NAV2: variants seen among roughly 807,000 people sequenced by gnomAD.
NAV2 encodes neuron navigator 2.
In NAV2, 54 loss-of-function variants were observed where a neutral mutation model predicts 223.2. The ratio of observed to expected loss-of-function variants is 0.24; its 90% CI spans 0.19 to 0.30. NAV2 has a LOEUF of 0.30. Ranked by LOEUF, NAV2 falls within the 10% of genes least tolerant of loss-of-function variation. NAV2 has a pLI of 1.00. For synonymous variants in NAV2, 1,279 were observed against 1,239.3 expected (o/e 1.03, Z -0.67); for missense variants, 2,806 against 3,147.5 (o/e 0.89, Z 2.60).
At chr11:19,671,663 G>C (rs947009583) in intron 1 of NAV2, among the ~76,000 whole-genome samples, 2 of 152,206 alleles carry the variant, frequency 1.3e-5, no homozygotes, top group South Asian at 4.1e-4. Context: ...TTTCCATAAA[G>C]GGCAAGATCA....
intron 1 of NAV2, among the ~76,000 whole-genome samples, chr11:19,700,121 T>C (rs1205470324): frequency 2.0e-5 from 3 of 152,180 alleles, no homozygotes; most frequent in Non-Finnish European, 4.4e-5. Context: ...CTTAATGTGT[T>C]CCAGGAAATA....
chr11:19,785,839 A>C (rs761153940), intron 1 of NAV2, among the ~76,000 whole-genome samples: 12 of 152,114 alleles, frequency 7.9e-5, no homozygotes, highest in Non-Finnish European at 1.5e-4. Context: ...CTCTATTTGA[A>C]TAAATAGATT....
intron 1 of NAV2, among the ~76,000 whole-genome samples, chr11:19,571,428 C>T (rs950417712): frequency 3.3e-5 from 5 of 152,176 alleles, no homozygotes; most frequent in African/African-American, 9.7e-5. Context: ...GAAAACTTTT[C>T]GGCTAGGCAC....
intron 20 of NAV2, among the ~76,000 whole-genome samples, chr11:20,063,608 C>T (rs1188811771): frequency 6.6e-6 from 1 of 152,140 alleles, no homozygotes; most frequent in Non-Finnish European, 1.5e-5. Flanking sequence ...CTCCTGACCT[C>T]AAGTGATCCG....
the NAV2 span, among the ~76,000 whole-genome samples, chr11:19,345,509 C>T: frequency 2.6e-5 from 4 of 152,186 alleles, no homozygotes; most frequent in African/African-American, 9.7e-5. This position sits in a 1 kb window ranked among gnomAD's most constrained non-coding sequence, Gnocchi z 5.2. Context: ...TTGAGAGGCT[C>T]GGGGGCCACA....
intron 1 of NAV2, among the ~76,000 whole-genome samples, chr11:19,546,167 A>G (rs2044493366): frequency 6.6e-6 from 1 of 152,216 alleles, no homozygotes; most frequent in African/African-American, 2.4e-5. Flanking sequence ...AAGTATGTAG[A>G]TATTTTCTTG....
chr11:19,392,488 C>A (rs531233658), intron 1 of NAV2, among the ~76,000 whole-genome samples: 2 of 152,112 alleles, frequency 1.3e-5, no homozygotes, highest in East Asian at 3.9e-4. Context: ...TTGATGCTGG[C>A]AGTCAGCTGG....
chr11:20,028,673 A>T (rs187581578), intron 11 of NAV2, among the ~76,000 whole-genome samples: 73 of 152,250 alleles, frequency 4.8e-4, no homozygotes, highest in Admixed American at 1.2e-3. Flanking sequence ...CATCCTTCTG[A>T]TGAGCTCTGC....
intron 17 of NAV2, among the ~76,000 whole-genome samples, 160 bp from the exon 18 acceptor site, chr11:20,053,920 T>C (rs1047841258): frequency 6.6e-6 from 1 of 152,218 alleles, no homozygotes; most frequent in African/African-American, 2.4e-5. Flanking sequence ...AAAAAGGTTT[T>C]GAGAAACTTC....
chr11:19,904,748 C>CA (rs1376953441), intron 6 of NAV2, among the ~76,000 whole-genome samples: 1 of 152,094 alleles, frequency 6.6e-6, no homozygotes, highest in Admixed American at 6.6e-5. Flanking sequence ...GAACTTTTCA[C>CA]ATTTGTCTTC....
intron 1 of NAV2, among the ~76,000 whole-genome samples, chr11:19,413,984 A>T (rs527674894): frequency 2.6e-5 from 4 of 152,362 alleles, no homozygotes; most frequent in Non-Finnish European, 5.9e-5. Context: ...TGTAAAGACC[A>T]TTGACACTAT....
intron 1 of NAV2, among the ~76,000 whole-genome samples, chr11:19,358,843 C>T (rs143707278): frequency 6.6e-6 from 1 of 152,086 alleles, no homozygotes; most frequent in Non-Finnish European, 1.5e-5. Context: ...AAGTAAAAAT[C>T]CTTAATGATG....
Position 19,939,713 on chromosome 11 carries a change from G to A in NAV2, c.2086G>A (p.Val696Met). The change falls in exon 8 of 38, where the codon GTG becomes ATG. Residue 696 changes from valine (V) to methionine (M), a missense_variant. Physicochemically the swap from Val to Met is conservative, Grantham distance 21 (BLOSUM62 1). Transcript: ENST00000349880. ...NVTAESSSTG[V>M]SVEPSHFTKT... ...TACTGCCGAGTCAAGCTCAACAGGT[G>A]TGAGCGTGGAGCCCAGCCACTTCAC... is the stretch of plus-strand genomic sequence containing the variant. 8 of 1,614,176 alleles carry A rather than the reference G, an allele frequency of 5.0e-6. No homozygotes were observed. The highest frequency in any genetic ancestry group is 2.2e-5 in the East Asian group (1 of 44,880).
At chr11:20,029,744 T>A (rs2055517038) in intron 11 of NAV2, among the ~76,000 whole-genome samples, 1 of 152,216 alleles carries the variant, frequency 6.6e-6, no homozygotes, top group Admixed American at 6.5e-5. Flanking sequence ...AGAAGAAACA[T>A]AGAAAATGTT....
chr11:19,509,879 G>A (rs2043225922), intron 1 of NAV2, among the ~76,000 whole-genome samples: 1 of 151,922 alleles, frequency 6.6e-6, no homozygotes, highest in South Asian at 2.1e-4. Context: ...AAAATGTTAT[G>A]AGCTGGGTTT....
chr11:20,099,939 G>C (rs992338805), intron 31 of NAV2, among the ~76,000 whole-genome samples: 68 of 152,208 alleles, frequency 4.5e-4, no homozygotes, highest in African/African-American at 1.6e-3. Context: ...AAAATCTTAG[G>C]CTTGTCCCTA....
chr11:19,740,201 A>T (rs1479904827), intron 1 of NAV2, among the ~76,000 whole-genome samples: 2 of 152,184 alleles, frequency 1.3e-5, no homozygotes, highest in African/African-American at 4.8e-5. Flanking sequence ...TGGGCCCTGA[A>T]GTGTGAAGGG....
intron 1 of NAV2, among the ~76,000 whole-genome samples, chr11:19,357,735 G>GTC (rs1853701675): frequency 6.6e-6 from 1 of 152,166 alleles, no homozygotes; most frequent in Non-Finnish European, 1.5e-5. Context: ...TTCTGTTTCA[G>GTC]AAGTACAGTC....
At chr11:19,393,946 G>A in intron 1 of NAV2, among the ~76,000 whole-genome samples, 1 of 134,612 alleles carries the variant, frequency 7.4e-6, no homozygotes, top group East Asian at 2.3e-4. Context: ...CTAAAAGTGT[G>A]AAACTCATGT....
Sources: allele counts gnomAD v4.1 joint callset (sites outside exome capture counted in the v4.1 genomes callset), GRCh38; gene constraint gnomAD v4.1.1; non-coding constraint Gnocchi (gnomAD v3.1); transcripts MANE v1.5; gene names NCBI Gene and HGNC (gene_info 2026-07-23, HGNC 2026-07-21).